Variants in IFT43 observed in about 807,000 individuals in gnomAD.
The protein encoded by IFT43 is intraflagellar transport 43.
Under a neutral mutation model 32.3 loss-of-function variants are expected in IFT43, and 33 were observed. That is an observed-to-expected ratio of 1.02 (90% CI 0.77 to 1.37). The LOEUF (loss-of-function observed/expected upper bound fraction) is 1.37. IFT43 is among the 40% of genes most tolerant of loss of function. The pLI is 0.00. For missense variants in IFT43, 274 were observed against 265.9 expected (o/e 1.03, Z -0.21); for synonymous variants, 93 against 98.2 (o/e 0.95, Z 0.31).
chr14:76,024,948 G>A (rs2036362272), intron 3 of IFT43, among the ~76,000 whole-genome samples: 2 of 152,212 alleles, frequency 1.3e-5, no homozygotes, highest in African/African-American at 4.8e-5. Context: ...GATGAAATAA[G>A]TGGAGTCATA....
intron 3 of IFT43, among the ~76,000 whole-genome samples, chr14:76,051,283 G>A (rs1290186621): frequency 6.7e-6 from 1 of 149,816 alleles, no homozygotes; most frequent in African/African-American, 2.5e-5. Context: ...AGAGGGTGGT[G>A]ACTGCAGCTT....
intron 3 of IFT43, among the ~76,000 whole-genome samples, chr14:76,025,260 T>A (rs1167444602): frequency 2.0e-5 from 3 of 152,100 alleles, no homozygotes; most frequent in Non-Finnish European, 4.4e-5. Flanking sequence ...TACAAAACAC[T>A]TTTCAAAGAA....
At chr14:76,058,932 GC>G in intron 4 of IFT43, 2 of 1,446,150 alleles carry the variant, frequency 1.4e-6, no homozygotes, top group Non-Finnish European at 1.8e-6. Context: ...CAGGGTACTG[GC>G]CCATGCCTTC....
At chr14:76,042,257 TAAA>T (rs531108883) in intron 3 of IFT43, among the ~76,000 whole-genome samples, 5 of 131,928 alleles carry the variant, frequency 3.8e-5, no homozygotes, top group African/African-American at 5.6e-5. Flanking sequence ...AACTGAAGAG[TAAA>T]AAAAAAAAAA....
chr14:76,012,439 G>A (rs771045394), intron 2 of IFT43, among the ~76,000 whole-genome samples: 6 of 152,116 alleles, frequency 3.9e-5, no homozygotes, highest in Non-Finnish European at 8.8e-5. Context: ...TGAAATTCCC[G>A]CTCTCTGCCT....
At chr14:76,010,329 T>C (rs1024955386) in intron 2 of IFT43, among the ~76,000 whole-genome samples, 4 of 152,182 alleles carry the variant, frequency 2.6e-5, no homozygotes, top group Non-Finnish European at 5.9e-5. Context: ...CCCATTGTTT[T>C]TCACGAGCAC....
intron 6 of IFT43, 32 bp from the exon 7 acceptor site, chr14:76,082,585 G>A (rs2037531047): frequency 6.2e-7 from 1 of 1,613,896 alleles, no homozygotes; most frequent in Admixed American, 1.7e-5. Context: ...TCCTGCCTGG[G>A]GTTCCCGCCT....
chr14:76,000,151 C>G (rs2035854794), intron 2 of IFT43, among the ~76,000 whole-genome samples: 1 of 152,004 alleles, frequency 6.6e-6, no homozygotes, highest in African/African-American at 2.4e-5. Flanking sequence ...CTCTTTAAAT[C>G]AACTTTCCTT....
At chr14:76,056,250 A>G (rs763901338) in intron 3 of IFT43, among the ~76,000 whole-genome samples, 2 of 152,104 alleles carry the variant, frequency 1.3e-5, no homozygotes, top group Non-Finnish European at 2.9e-5. Context: ...GAGAGAGAGA[A>G]TGAGAGAGAA....
intron 3 of IFT43, among the ~76,000 whole-genome samples, chr14:76,033,002 T>G (rs2036535315): frequency 6.6e-6 from 1 of 152,100 alleles, no homozygotes. Context: ...GTGGGTAATT[T>G]CCATAGCTCA....
chr14:76,043,993 A>G (rs1277276753), intron 3 of IFT43, among the ~76,000 whole-genome samples: 1 of 152,122 alleles, frequency 6.6e-6, no homozygotes, highest in African/African-American at 2.4e-5. Flanking sequence ...TCAGGGAAAC[A>G]AACACTTTAC....
chr14:76,078,956 G>A (rs146856356), intron 5 of IFT43, among the ~76,000 whole-genome samples: 177 of 152,316 alleles, frequency 1.2e-3, no homozygotes, highest in African/African-American at 4.2e-3. Flanking sequence ...GAAGTAGCGA[G>A]TCAGGGTGTA....
chr14:76,079,389 T>C (rs2037468256), intron 5 of IFT43, among the ~76,000 whole-genome samples: 1 of 152,232 alleles, frequency 6.6e-6, no homozygotes, highest in African/African-American at 2.4e-5. Context: ...AGTGCTAGTA[T>C]TTCATAAAGA....
intron 5 of IFT43, among the ~76,000 whole-genome samples, chr14:76,067,410 TA>T (rs906589460): frequency 6.7e-6 from 1 of 149,168 alleles, no homozygotes. Context: ...TACTAAAAAT[TA>T]AAAAAAAAAT....
chr14:75,999,638 G>T (rs1170318637), intron 2 of IFT43, among the ~76,000 whole-genome samples: 2 of 152,142 alleles, frequency 1.3e-5, no homozygotes, highest in Admixed American at 1.3e-4. Flanking sequence ...ACCCTGCCTA[G>T]GAGTTAGGGA....
intron 2 of IFT43, among the ~76,000 whole-genome samples, chr14:75,999,245 A>ATTCATT (rs1566699198): frequency 0.012 from 272 of 22,990 alleles, 2 homozygotes; most frequent in Admixed American, 0.04. Context: ...ATATATATAT[A>ATTCATT]TATATATATA....
At chr14:76,083,068 A>C in intron 7 of IFT43, 159 bp from the exon 8 acceptor site, 1 of 215,046 alleles carries the variant, frequency 4.7e-6, no homozygotes, top group Non-Finnish European at 8.0e-6. Flanking sequence ...CTCAGTGGGC[A>C]TGTGGTTCAT....
chr14:76,055,967 A>G (rs1405053076), intron 3 of IFT43, among the ~76,000 whole-genome samples: 1 of 152,224 alleles, frequency 6.6e-6, no homozygotes, highest in Non-Finnish European at 1.5e-5. Flanking sequence ...GCTCAGGTTC[A>G]TCCACTGCAC....
chr14:76,009,825 T>G (rs561242212), intron 2 of IFT43, among the ~76,000 whole-genome samples: 1 of 151,000 alleles, frequency 6.6e-6, no homozygotes, highest in Non-Finnish European at 1.5e-5. Context: ...GACAGAGTCT[T>G]GCTGTGTCAC....
Sources: allele counts gnomAD v4.1 joint callset (sites outside exome capture counted in the v4.1 genomes callset), GRCh38; gene constraint gnomAD v4.1.1; transcripts MANE v1.5; gene names NCBI Gene and HGNC (gene_info 2026-07-23, HGNC 2026-07-21).